Variants in ALK observed in about 807,000 individuals in gnomAD.
ALK encodes ALK tyrosine kinase receptor.
ALK carries 74 observed loss-of-function variants against 163.1 expected under a neutral mutation model. The observed-to-expected ratio is 0.45, with a 90% CI of 0.38 to 0.55. ALK has a LOEUF of 0.55. Among genes scored for constraint, ALK ranks in the 20% least tolerant of loss-of-function variants. The probability of loss-of-function intolerance (pLI) is 0.00; values close to 1 mark genes in which losing one functional copy is unlikely to be tolerated. For synonymous variants in ALK, 960 were observed against 843.2 expected (o/e 1.14, Z -2.40); for missense variants, 2,063 against 2,105.3 (o/e 0.98, Z 0.39).
At chr2:29,812,191 G>T (rs967160221) in intron 1 of ALK, among the ~76,000 whole-genome samples, 1 of 152,174 alleles carries the variant, frequency 6.6e-6, no homozygotes, top group Non-Finnish European at 1.5e-5. Context: ...CCCAATCACA[G>T]CTACACACAA....
At chr2:29,713,756 TATAAA>T in intron 2 of ALK, among the ~76,000 whole-genome samples, 2 of 152,202 alleles carry the variant, frequency 1.3e-5, no homozygotes, top group Middle Eastern at 6.8e-3. Flanking sequence ...AAAAATAAAA[TATAAA>T]ATAATTTTCA....
chr2:29,683,936 G>T (rs972344731), intron 3 of ALK, among the ~76,000 whole-genome samples: 3 of 152,164 alleles, frequency 2.0e-5, no homozygotes, highest in Non-Finnish European at 4.4e-5. Flanking sequence ...TCAGGAAAGG[G>T]AGCCACAGAG....
At chr2:29,225,422 C>G (rs2148176199) in intron 19 of ALK, 39 bp downstream of exon 19, 1 of 1,544,520 alleles carries the variant, frequency 6.5e-7, no homozygotes, top group Non-Finnish European at 8.9e-7. Context: ...GTCCTGCCTT[C>G]CTGCCCCCTT....
intron 26 of ALK, among the ~76,000 whole-genome samples, chr2:29,197,948 T>C (rs892874821): frequency 2.0e-5 from 3 of 152,230 alleles, no homozygotes; most frequent in Admixed American, 2.0e-4. Flanking sequence ...ATATGCAATT[T>C]TGAACCTTGA....
At chr2:29,919,864 G>A (rs1371205499) in intron 1 of ALK, 129 bp downstream of exon 1, 5 of 1,175,754 alleles carry the variant, frequency 4.3e-6, no homozygotes, top group South Asian at 1.6e-5. Flanking sequence ...AGGTTTGCGG[G>A]AGGAAGGAGG....
chr2:29,527,715 A>G (rs946094033), intron 4 of ALK, among the ~76,000 whole-genome samples: 3 of 152,010 alleles, frequency 2.0e-5, no homozygotes, highest in Non-Finnish European at 4.4e-5. Context: ...GGGTCTCGCT[A>G]TGTTGCCCAG....
intron 1 of ALK, among the ~76,000 whole-genome samples, chr2:29,737,022 T>C (rs1679911578): frequency 6.6e-6 from 1 of 152,152 alleles, no homozygotes; most frequent in Non-Finnish European, 1.5e-5. Flanking sequence ...TTTAACGGTA[T>C]GTGATAGGTT....
At chr2:29,520,194 G>A (rs772706718) in intron 4 of ALK, among the ~76,000 whole-genome samples, 1 of 152,196 alleles carries the variant, frequency 6.6e-6, no homozygotes, top group Non-Finnish European at 1.5e-5. Context: ...GTGTAGGATG[G>A]TTAAGGCCAC....
chr2:29,718,607 A>T (rs1278857802), intron 1 of ALK, among the ~76,000 whole-genome samples: 1 of 152,218 alleles, frequency 6.6e-6, no homozygotes, highest in Non-Finnish European at 1.5e-5. Flanking sequence ...GCTTCCCCGG[A>T]ACAGACGCCA....
chr2:29,641,117 C>A (rs1452105754), intron 3 of ALK, among the ~76,000 whole-genome samples: 2 of 151,932 alleles, frequency 1.3e-5, no homozygotes, highest in Non-Finnish European at 2.9e-5. Context: ...TCATTAAGGG[C>A]CTGGAAAGCT....
intron 1 of ALK, among the ~76,000 whole-genome samples, chr2:29,902,940 T>C (rs759622608): frequency 5.9e-5 from 9 of 152,208 alleles, no homozygotes; most frequent in Non-Finnish European, 1.2e-4. Context: ...AACCTATGCA[T>C]ATAATCTTAT....
intron 24 of ALK, among the ~76,000 whole-genome samples, chr2:29,210,912 A>G (rs1669450068): frequency 6.6e-6 from 1 of 152,132 alleles, no homozygotes; most frequent in African/African-American, 2.4e-5. Context: ...CTCTCTGCTT[A>G]CCATTCTGGT....
intron 3 of ALK, among the ~76,000 whole-genome samples, chr2:29,606,284 T>C (rs1165015292): frequency 2.0e-5 from 3 of 152,184 alleles, no homozygotes; most frequent in South Asian, 4.1e-4. Context: ...ATCTGGATGA[T>C]TCAGAGTTAT....
intron 4 of ALK, among the ~76,000 whole-genome samples, chr2:29,414,792 A>C (rs1019895674): frequency 3.9e-5 from 6 of 152,216 alleles, no homozygotes; most frequent in Non-Finnish European, 7.3e-5. Context: ...TAAATTAGCA[A>C]GGTTTTACTG....
At chr2:29,454,619 T>G (rs1485687961) in intron 4 of ALK, among the ~76,000 whole-genome samples, 1 of 152,076 alleles carries the variant, frequency 6.6e-6, no homozygotes, top group Admixed American at 6.6e-5. Flanking sequence ...AAGAATGAAA[T>G]TGCATTGATG....
At chr2:29,856,852 A>T (rs1448554682) in intron 1 of ALK, among the ~76,000 whole-genome samples, 1 of 152,214 alleles carries the variant, frequency 6.6e-6, no homozygotes, top group Non-Finnish European at 1.5e-5. Context: ...CCTGAGTTAG[A>T]CAGGGCGCTG....
chr2:29,813,644 C>G lies in ALK; in HGVS notation c.668-95947G>C, dbSNP rs375438213. ...TTTCTTTATAAAATGAGAGGCCCTG[C>G]CTTGCACAAATAATGGCCCACTGTA... On this transcript the variant is annotated intron_variant, in intron 1 of 28. Transcript: ENST00000389048. Among the ~76,000 whole-genome samples, 149 of 152,298 alleles carry G rather than the reference C, an allele frequency of 9.8e-4. 1 individual carries two copies. Among genetic ancestry groups the G allele is most frequent in the African/African-American group, 3.6e-3 (148 of 41,574 alleles).
intron 4 of ALK, among the ~76,000 whole-genome samples, chr2:29,513,565 T>A (rs1335139403): frequency 2.0e-5 from 3 of 151,908 alleles, no homozygotes; most frequent in East Asian, 1.9e-4. Flanking sequence ...AACCTAGGCA[T>A]TACCATTCAG....
intron 4 of ALK, among the ~76,000 whole-genome samples, chr2:29,457,857 G>A (rs1558333153): frequency 6.6e-6 from 1 of 152,034 alleles, no homozygotes; most frequent in Non-Finnish European, 1.5e-5. Flanking sequence ...GAGGTTAGGT[G>A]CCTTGTACAA....
Sources: gnomAD v4.1 joint callset for allele counts (sites outside exome capture counted in the v4.1 genomes callset) on GRCh38, gnomAD v4.1.1 for gene constraint, MANE v1.5 for transcripts, NCBI Gene and HGNC (gene_info 2026-07-23, HGNC 2026-07-21) for gene names.